The following EEPD1 variants were observed in gnomAD, a reference collection of about 807,000 sequenced individuals.
The protein encoded by EEPD1 is endonuclease/exonuclease/phosphatase family domain containing 1.
A neutral mutation model predicts 46.3 loss-of-function variants in EEPD1; 17 were observed. That is an observed-to-expected ratio of 0.37 (90% CI 0.25 to 0.55). The LOEUF (loss-of-function observed/expected upper bound fraction) is 0.55. Among genes scored for constraint, EEPD1 ranks in the 20% least tolerant of loss-of-function variants. The probability of loss-of-function intolerance (pLI) is 0.83; values close to 1 mark genes in which losing one functional copy is unlikely to be tolerated. For missense variants in EEPD1, 673 were observed against 745.6 expected, an observed-to-expected ratio of 0.90 and a Z score of 1.13; for synonymous variants, 313 against 315.6, an observed-to-expected ratio of 0.99 and a Z score of 0.09.
At chr7:36,244,011 A>T (rs2115794390) in intron 3 of EEPD1, among the ~76,000 whole-genome samples, 2 of 152,176 alleles carry the variant, frequency 1.3e-5, no homozygotes, top group South Asian at 4.2e-4. Flanking sequence ...ACTAACCTGC[A>T]CATTGTGCAC....
chr7:36,263,499 A>G (rs1355959871), intron 3 of EEPD1, among the ~76,000 whole-genome samples: 2 of 152,242 alleles, frequency 1.3e-5, no homozygotes, highest in African/African-American at 2.4e-5. Context: ...AAGAGGCTAC[A>G]TGGAAGCACT....
intron 2 of EEPD1, among the ~76,000 whole-genome samples, chr7:36,164,168 A>G (rs1010590489): frequency 1.3e-5 from 2 of 152,198 alleles, no homozygotes; most frequent in African/African-American, 4.8e-5. Flanking sequence ...TCTGTCTTTT[A>G]TAATTGTCTT....
At chr7:36,185,943 AT>A (rs1785354100) in intron 2 of EEPD1, among the ~76,000 whole-genome samples, 2 of 152,238 alleles carry the variant, frequency 1.3e-5, no homozygotes, top group South Asian at 4.1e-4. Flanking sequence ...GAAAGGGCCC[AT>A]TTAACACTGG....
intron 3 of EEPD1, among the ~76,000 whole-genome samples, chr7:36,263,650 G>C (rs1309518793): frequency 6.6e-6 from 1 of 152,128 alleles, no homozygotes; most frequent in Non-Finnish European, 1.5e-5. Context: ...GTCACGTTCT[G>C]GGTTTTGCCC....
At chr7:36,230,041 A>C (rs1221687434) in intron 2 of EEPD1, among the ~76,000 whole-genome samples, 1 of 152,062 alleles carries the variant, frequency 6.6e-6, no homozygotes, top group Non-Finnish European at 1.5e-5. Flanking sequence ...TCGCATCTTC[A>C]GCACTGCTTG....
chr7:36,218,365 T>C (rs1433609629), intron 2 of EEPD1, among the ~76,000 whole-genome samples: 5 of 150,922 alleles, frequency 3.3e-5, no homozygotes, highest in Non-Finnish European at 7.4e-5. Flanking sequence ...ATAGAAAAAT[T>C]CTAATAGGAG....
At chr7:36,173,126 G>A (rs1409764593) in intron 2 of EEPD1, among the ~76,000 whole-genome samples, 1 of 152,086 alleles carries the variant, frequency 6.6e-6, no homozygotes, top group Non-Finnish European at 1.5e-5. Context: ...CACATGTCAA[G>A]GGAGGGACCT....
At chr7:36,177,239 T>G (rs200407281) in intron 2 of EEPD1, among the ~76,000 whole-genome samples, 3 of 92 alleles carry the variant, frequency 0.033, no homozygotes, top group African/African-American at 0.024. Context: ...TTACTTGAGG[T>G]TTTTTTTTTT....
intron 3 of EEPD1, among the ~76,000 whole-genome samples, chr7:36,261,872 A>G (rs183103666): frequency 6.6e-6 from 1 of 152,360 alleles, no homozygotes; most frequent in East Asian, 1.9e-4. Context: ...TGCATTTGGA[A>G]TGAGTAATTC....
rs1279423242 is a variant in EEPD1, at chr7:36,256,437, T to C, written c.930+17401T>C. 2.0e-5 allele frequency among the ~76,000 whole-genome samples: 3 copies of C among 152,198 alleles called. 1 individual carries two copies. The highest frequency in any genetic ancestry group is 4.1e-4 in the South Asian group (2 of 4,826). On this transcript the variant is annotated intron_variant, in intron 3 of 7. Transcript: ENST00000242108. ...ACAGTGGGATGTTAAAGTCTCCCAG[T>C]ATTATTGTGTGGGATTCTAAGTCTC... is the stretch of plus-strand genomic sequence containing the variant.
rs926723297 is a variant in EEPD1, at chr7:36,225,760, C to T, written c.879-13225C>T. 2.0e-5 allele frequency among the ~76,000 whole-genome samples: 3 copies of T among 152,116 alleles called. No homozygotes were observed. The highest frequency in any genetic ancestry group is 1.3e-4 in the Admixed American group (2 of 15,272). On this transcript the variant is annotated intron_variant, in intron 2 of 7. Transcript: ENST00000242108. This position sits in a 1 kb window ranked among gnomAD's most constrained non-coding sequence, Gnocchi z 4.2. ...AGAATCTGAAGCATTAAAAGTTCTT[C>T]GATTATCAAGTAAGTTTATGAACCC...
intron 2 of EEPD1, among the ~76,000 whole-genome samples, chr7:36,160,781 GA>G (rs1170925461): frequency 3.3e-5 from 5 of 152,160 alleles, no homozygotes. Flanking sequence ...GAAGTGGGCA[GA>G]GATGAGAAGC....
At chr7:36,262,309 G>A (rs2115832433) in intron 3 of EEPD1, among the ~76,000 whole-genome samples, 1 of 152,226 alleles carries the variant, frequency 6.6e-6, no homozygotes, top group East Asian at 1.9e-4. Flanking sequence ...TAGTAATGGT[G>A]AATCCATAGG....
intron 2 of EEPD1, among the ~76,000 whole-genome samples, chr7:36,216,704 G>A (rs905466661): frequency 5.3e-5 from 8 of 152,188 alleles, no homozygotes; most frequent in African/African-American, 1.7e-4. Context: ...ATCTATATAT[G>A]TGTATATATC....
chr7:36,229,358 G>A (rs995689195), intron 2 of EEPD1: 5 of 152,270 alleles, frequency 3.3e-5, no homozygotes, highest in African/African-American at 4.8e-5. Flanking sequence ...ACTGGGTCCC[G>A]TGACTATATC....
intron 2 of EEPD1, among the ~76,000 whole-genome samples, chr7:36,170,170 C>T (rs972828008): frequency 4.1e-4 from 62 of 152,240 alleles, no homozygotes; most frequent in African/African-American, 1.4e-3. Context: ...TTTGCGAGGC[C>T]GAGGCAGACC....
chr7:36,280,993 C>T (rs1250183659), intron 3 of EEPD1, 122 bp from the exon 4 acceptor site: 1 of 710,102 alleles, frequency 1.4e-6, no homozygotes, highest in Non-Finnish European at 2.4e-6. Context: ...GGATGTAGTT[C>T]AGCAGTGTCT....
At chr7:36,246,188 G>A (rs1053719117) in intron 3 of EEPD1, among the ~76,000 whole-genome samples, 2 of 152,196 alleles carry the variant, frequency 1.3e-5, no homozygotes, top group East Asian at 3.9e-4. Context: ...GGGCCCTCAG[G>A]AGACACAGGC....
At position 36,155,038 on chromosome 7, in the gene EEPD1, C is replaced by T. The variant is rs375151691; in HGVS notation, c.714C>T (p.Pro238=). 14 of 1,603,882 alleles carry T rather than the reference C, an allele frequency of 8.7e-6. No individual in the cohort carries two copies. The highest frequency in any genetic ancestry group is 1.7e-4 in the Middle Eastern group (1 of 6,004). The change falls in exon 2 of 8, where the codon CCC becomes CCT. Residue 238 remains proline, a synonymous_variant. Coordinates refer to ENST00000242108, the MANE Select transcript of EEPD1 (RefSeq NM_030636.3). The part of the protein sequence containing the change: ...SEDLDLPPGG[P]TQIISTRPSV... ...ACCTGGACCTGCCGCCAGGGGGGCC[C>T]ACCCAGATTATCTCCACTCGGCCGT...
Sources: allele counts gnomAD v4.1 joint callset (sites outside exome capture counted in the v4.1 genomes callset), GRCh38; gene constraint gnomAD v4.1.1; non-coding constraint Gnocchi (gnomAD v3.1); transcripts MANE v1.5; gene names NCBI Gene and HGNC (gene_info 2026-07-23, HGNC 2026-07-21).